ATRX: variants seen among roughly 807,000 people sequenced by gnomAD.
ATRX encodes ATRX chromatin remodeler.
A neutral mutation model predicts 172.6 loss-of-function variants in ATRX; 12 were observed. The ratio of observed to expected loss-of-function variants is 0.07; its 90% CI spans 0.04 to 0.11. The LOEUF is 0.11. ATRX is among the 10% of genes least tolerant of loss of function. ATRX has a pLI of 1.00. For missense variants in ATRX, 1,368 were observed against 1,767.4 expected, an observed-to-expected ratio of 0.77 and a Z score of 4.05; for synonymous variants, 674 against 594.7, an observed-to-expected ratio of 1.13 and a Z score of -1.94.
chrX:77,754,674 T>A (rs2075424271), intron 1 of ATRX, among the ~76,000 whole-genome samples: 1 of 112,165 alleles, frequency 8.9e-6, no homozygotes, highest in Admixed American at 9.5e-5. Flanking sequence ...GCCCCCACTC[T>A]CTTCTGGCTT....
At chrX:77,651,948 A>G in intron 15 of ATRX, 166 bp downstream of exon 15, 1 of 470,127 alleles carries the variant, frequency 2.1e-6, no homozygotes, top group Non-Finnish European at 3.6e-6. Flanking sequence ...TAAATCATTA[A>G]TAGAAATAAA....
chrX:77,695,061 C>CA lies in ATRX; in HGVS notation c.371-1125dup, dbSNP rs200336160. On this transcript the variant is annotated intron_variant, in intron 5 of 34. Coordinates refer to ENST00000373344, the MANE Select transcript of ATRX (RefSeq NM_000489.6). ...AAAGATTTTAAATTAACAACAACGA[C>CA]AAAAAAAAAAAAAAACTGAATTCTC... Among the ~76,000 whole-genome samples, 747 of 89,925 alleles carry CA rather than the reference C, an allele frequency of 8.3e-3. 6 individuals are homozygous for CA. Among genetic ancestry groups the CA allele is most frequent in the Non-Finnish European group, 0.011 (495 of 45,398 alleles). 78.1% of individuals were successfully genotyped at this position (89,925 alleles called of 115,157 possible).
At chrX:77,677,332 T>C (rs967863378) in intron 9 of ATRX, among the ~76,000 whole-genome samples, 2 of 111,672 alleles carry the variant, frequency 1.8e-5, no homozygotes, top group South Asian at 3.7e-4. Context: ...AAAGGTTATA[T>C]ACTTCATGAT....
intron 1 of ATRX, among the ~76,000 whole-genome samples, chrX:77,765,206 A>G (rs2075866128): frequency 8.9e-6 from 1 of 111,936 alleles, no homozygotes; most frequent in South Asian, 3.7e-4. Context: ...CAAAAAAACT[A>G]TGTCAATGAC....
intron 28 of ATRX, among the ~76,000 whole-genome samples, chrX:77,559,449 C>CT (rs782028709): frequency 5.3e-4 from 22 of 41,705 alleles, no homozygotes; most frequent in Non-Finnish European, 6.2e-4. Flanking sequence ...CTTTCTTTCC[C>CT]TTTTTTTTTT....
In ATRX at chrX:77,659,482, T is replaced by TACACACAC. The variant is rs72145948; in HGVS notation, c.4121-2837_4121-2830dup. ...CATTTGCTTTTTTTCTTTCTCTCTC[T>TACACACAC]ACACACACACACACACACACACACA... is the stretch of plus-strand genomic sequence containing the variant. On this transcript the variant is annotated intron_variant, in intron 12 of 34. Coordinates refer to ENST00000373344, the MANE Select transcript of ATRX (RefSeq NM_000489.6). Among the ~76,000 whole-genome samples, 226 of 88,484 alleles carry TACACACAC rather than the reference T, an allele frequency of 2.6e-3. 1 individual carries two copies. Among genetic ancestry groups the TACACACAC allele is most frequent in the African/African-American group, 8.0e-3 (197 of 24,622 alleles). The allele number at this position is 88,484 out of a possible 115,157, so 76.8% of individuals were successfully genotyped here. A position where few individuals can be genotyped will look rare whatever the true frequency, so the allele number is the denominator to read the frequency against.
At chrX:77,773,483 A>G (rs1338410091) in intron 1 of ATRX, among the ~76,000 whole-genome samples, 1 of 111,844 alleles carries the variant, frequency 8.9e-6, no homozygotes, top group Non-Finnish European at 1.9e-5. Flanking sequence ...GCCAGGCACG[A>G]TGGCTCACGC....
At chrX:77,521,887 C>T in intron 32 of ATRX, 1 of 209,563 alleles carries the variant, frequency 4.8e-6, no homozygotes, top group African/African-American at 2.9e-5. Context: ...TTTAATTGTG[C>T]ATCTATAATG....
rs151308234 is a variant in ATRX at position 77,734,121 on chromosome X, C to T, written c.21-16878G>A. Among the ~76,000 whole-genome samples, 853 of 109,914 alleles carry T rather than the reference C, an allele frequency of 7.8e-3. 9 individuals carry two copies. The highest frequency in any genetic ancestry group is 0.027 in the African/African-American group (822 of 30,190). On this transcript the variant is annotated intron_variant, in intron 1 of 34. Transcript: ENST00000373344. ...CCTCAGGAGGCTGAGGCAGGAGAAT[C>T]GCTTGAACCTGGGAGGCGGAGGTTG...
intron 25 of ATRX, chrX:77,595,748 C>G (rs1261884776): frequency 9.0e-6 from 1 of 111,315 alleles, no homozygotes; most frequent in Non-Finnish European, 1.9e-5. Context: ...TCAGTTCCCT[C>G]CTTATGTCTG....
At chrX:77,588,576 G>A (rs189529960) in intron 27 of ATRX, among the ~76,000 whole-genome samples, 2 of 110,528 alleles carry the variant, frequency 1.8e-5, no homozygotes, top group East Asian at 5.7e-4. Context: ...AGACCAGTCT[G>A]GGCAAATAGA....
At chrX:77,556,531 C>T (rs1421678717) in intron 30 of ATRX, among the ~76,000 whole-genome samples, 1 of 110,468 alleles carries the variant, frequency 9.1e-6, no homozygotes, top group African/African-American at 3.3e-5. Flanking sequence ...TCTCAGCTTC[C>T]TGAGATAATG....
chrX:77,746,298 A>G (rs1209411009), intron 1 of ATRX, among the ~76,000 whole-genome samples: 1 of 111,530 alleles, frequency 9.0e-6, no homozygotes, highest in Non-Finnish European at 1.9e-5. Context: ...GTAAATTTAT[A>G]TAAATAAAAA....
chrX:77,748,117 G>T (rs2075156897), intron 1 of ATRX, among the ~76,000 whole-genome samples: 1 of 111,266 alleles, frequency 9.0e-6, no homozygotes, highest in Non-Finnish European at 1.9e-5. Flanking sequence ...CATTTAATTT[G>T]GGGCCCACTA....
rs782504922 is a variant in ATRX, at chrX:77,652,306, CTCT to C, written c.4362_4364del (p.Glu1464del). The C allele has an allele frequency of 7.5e-6, 9 of 1,203,357 alleles. No homozygotes were observed. The South Asian group carries it at 1.2e-4, about 16-fold the overall frequency. ...CCTCCTCCTCTTCCTCCTCCTCCTC[CTCT>C]TCCTCCTCCTCTTCTTTTTCCTCCT... is the stretch of plus-strand genomic sequence containing the variant. On this transcript the variant is annotated inframe_deletion, in exon 15 of 35. Transcript: ENST00000373344.
At chrX:77,660,220 A>G (rs1204217597) in intron 12 of ATRX, among the ~76,000 whole-genome samples, 2 of 112,092 alleles carry the variant, frequency 1.8e-5, no homozygotes, top group African/African-American at 6.5e-5. Flanking sequence ...ATGCTAAATC[A>G]CACAGTTCCT....
intron 1 of ATRX, among the ~76,000 whole-genome samples, chrX:77,771,394 C>A (rs942011169): frequency 1.0e-4 from 11 of 109,124 alleles, no homozygotes; most frequent in African/African-American, 3.7e-4. Flanking sequence ...AAAAGCCTTT[C>A]TCAAACCTGA....
At chrX:77,716,897 G>C (rs782809873) in intron 2 of ATRX, among the ~76,000 whole-genome samples, 1 of 111,376 alleles carries the variant, frequency 9.0e-6, no homozygotes, top group African/African-American at 3.3e-5. Context: ...AACCATAAAT[G>C]CTTCCTTTTC....
At chrX:77,605,673 T>C (rs1315496760) in intron 22 of ATRX, among the ~76,000 whole-genome samples, 1 of 111,149 alleles carries the variant, frequency 9.0e-6, no homozygotes, top group Non-Finnish European at 1.9e-5. Flanking sequence ...CAGACAAAGA[T>C]GCTGAAAGAA....
Sources: allele counts gnomAD v4.1 joint callset (sites outside exome capture counted in the v4.1 genomes callset), GRCh38; gene constraint gnomAD v4.1.1; transcripts MANE v1.5; gene names NCBI Gene and HGNC (gene_info 2026-07-23, HGNC 2026-07-21).